The following PCDH9 variants were observed in gnomAD, a reference collection of about 807,000 sequenced individuals.
The protein encoded by PCDH9 is protocadherin 9.
In PCDH9, 24 loss-of-function variants were observed where a neutral mutation model predicts 70.6. The ratio of observed to expected loss-of-function variants is 0.34; its 90% CI spans 0.25 to 0.48. PCDH9 has a LOEUF of 0.48. Ranked by LOEUF, PCDH9 falls within the 20% of genes least tolerant of loss-of-function variation. The pLI, the probability that PCDH9 is intolerant of heterozygous loss-of-function variation, is 0.99. For synonymous variants in PCDH9, 562 were observed against 558.5 expected (o/e 1.01, Z -0.09); for missense variants, 1,281 against 1,503.6 (o/e 0.85, Z 2.45).
At chr13:66,622,766 G>A (rs987571701) in intron 4 of PCDH9, among the ~76,000 whole-genome samples, 7 of 152,162 alleles carry the variant, frequency 4.6e-5, no homozygotes, top group African/African-American at 1.7e-4. Flanking sequence ...AAAGCAGGCT[G>A]CCCGGGCAGG....
chr13:66,892,255 C>T (rs1248737117), intron 3 of PCDH9, among the ~76,000 whole-genome samples: 2 of 147,974 alleles, frequency 1.4e-5, no homozygotes, highest in African/African-American at 2.5e-5. Context: ...TATATATATA[C>T]ACACACACGT....
chr13:66,770,018 C>T (rs7337592), intron 3 of PCDH9, among the ~76,000 whole-genome samples: 44,273 of 151,810 alleles, frequency 0.29, 6,720 homozygotes, highest in East Asian at 0.44. Flanking sequence ...TAAAAACAAA[C>T]CTCTATTGAG....
intron 2 of PCDH9, among the ~76,000 whole-genome samples, chr13:66,930,868 T>C (rs2082796131): frequency 1.3e-5 from 2 of 152,150 alleles, no homozygotes; most frequent in African/African-American, 4.8e-5. Flanking sequence ...ATTTCCTTTT[T>C]ATGACAATGA....
intron 2 of PCDH9, among the ~76,000 whole-genome samples, chr13:67,167,091 A>T (rs1246198276): frequency 6.6e-6 from 1 of 152,208 alleles, no homozygotes; most frequent in East Asian, 1.9e-4. Context: ...CACTGGTTCA[A>T]CTTAAGTATA....
At chr13:67,082,512 T>A (rs1162418891) in intron 2 of PCDH9, among the ~76,000 whole-genome samples, 1 of 152,214 alleles carries the variant, frequency 6.6e-6, no homozygotes, top group East Asian at 1.9e-4. Context: ...TGCTTCCATG[T>A]CCTGTCTATT....
intron 4 of PCDH9, among the ~76,000 whole-genome samples, chr13:66,306,942 C>T (rs921086218): frequency 1.3e-5 from 2 of 152,012 alleles, no homozygotes; most frequent in African/African-American, 4.8e-5. Context: ...TTGCTTAAAC[C>T]AATCCACGCT....
intron 4 of PCDH9, among the ~76,000 whole-genome samples, chr13:66,395,021 A>G (rs746257818): frequency 6.6e-6 from 1 of 152,226 alleles, no homozygotes; most frequent in East Asian, 1.9e-4. Context: ...ATGTCCTCAC[A>G]AAACAATACT....
chr13:67,042,828 T>G (rs1209788791), intron 2 of PCDH9, among the ~76,000 whole-genome samples: 1 of 152,098 alleles, frequency 6.6e-6, no homozygotes, highest in Non-Finnish European at 1.5e-5. Context: ...AAACATGGAA[T>G]GACACTATGA....
intron 2 of PCDH9, among the ~76,000 whole-genome samples, chr13:66,975,686 G>T (rs2083605743): frequency 6.6e-6 from 1 of 151,956 alleles, no homozygotes; most frequent in African/African-American, 2.4e-5. Context: ...CTCTCATTCA[G>T]CAAACCTTTA....
At chr13:66,305,284 G>A (rs1350847078) in intron 4 of PCDH9, among the ~76,000 whole-genome samples, 1 of 151,810 alleles carries the variant, frequency 6.6e-6, no homozygotes, top group Non-Finnish European at 1.5e-5. Context: ...CAAAGACATA[G>A]ATAGATAAAA....
At chr13:66,971,910 A>G (rs892021248) in intron 2 of PCDH9, among the ~76,000 whole-genome samples, 9 of 152,002 alleles carry the variant, frequency 5.9e-5, no homozygotes, top group African/African-American at 1.7e-4. Flanking sequence ...CTATTGTTAA[A>G]GGTGTACCAT....
chr13:66,869,307 A>T (rs144935129), intron 3 of PCDH9, among the ~76,000 whole-genome samples: 2 of 152,112 alleles, frequency 1.3e-5, no homozygotes, highest in African/African-American at 4.8e-5. Flanking sequence ...CATCATCATC[A>T]TTGTCAAAAC....
intron 4 of PCDH9, among the ~76,000 whole-genome samples, chr13:66,387,493 C>T (rs868116326): frequency 6.7e-6 from 1 of 149,484 alleles, no homozygotes. Context: ...TGGTGCCATT[C>T]TCATCACATT....
intron 2 of PCDH9, among the ~76,000 whole-genome samples, chr13:67,167,321 TA>T (rs1457530212): frequency 6.6e-6 from 1 of 152,138 alleles, no homozygotes; most frequent in Non-Finnish European, 1.5e-5. Context: ...TCCCCTAATT[TA>T]AAATGAGGAG....
At chr13:66,407,069 G>C (rs1238951923) in intron 4 of PCDH9, among the ~76,000 whole-genome samples, 3 of 152,122 alleles carry the variant, frequency 2.0e-5, no homozygotes, top group Non-Finnish European at 4.4e-5. Flanking sequence ...CTCACTTATA[G>C]TCTAAAAGAC....
chr13:66,738,083 C>A (rs930109787), intron 3 of PCDH9, among the ~76,000 whole-genome samples: 7 of 152,224 alleles, frequency 4.6e-5, no homozygotes, highest in Non-Finnish European at 1.0e-4. Context: ...CCTCTGCAGA[C>A]TTAAATGTCC....
chr13:66,622,588 T>C (rs1566462142), intron 4 of PCDH9, among the ~76,000 whole-genome samples: 1 of 152,038 alleles, frequency 6.6e-6, no homozygotes, highest in African/African-American at 2.4e-5. Context: ...TGGTGGGGAC[T>C]TGGAGAACCT....
Position 66,391,883 on chromosome 13 carries a change from CATAT to C in PCDH9, c.3341-86859_3341-86856del, listed in dbSNP as rs140840857. Among the ~76,000 whole-genome samples the C allele has an allele frequency of 2.4e-3, 345 of 143,264 alleles. 1 individual carries two copies. The highest frequency in any genetic ancestry group is 3.7e-3 in the Non-Finnish European group (247 of 65,944). The allele number at this position is 143,264 out of a possible 152,430, so 94.0% of individuals were successfully genotyped here. Reference sequence around the variant, plus strand: ...TCTCTCTCTCTCTTTGCCATATATGCATATATATATATATATATATATGTTTGTG... The same window carrying C: ...TCTCTCTCTCTCTTTGCCATATATGCATATATATATATATATATGTTTGTG... On this transcript the variant is annotated intron_variant, in intron 4 of 4. Transcript: ENST00000377865.
chr13:66,959,750 CAA>C (rs5804305), intron 2 of PCDH9, among the ~76,000 whole-genome samples: 108 of 129,218 alleles, frequency 8.4e-4, no homozygotes, highest in East Asian at 2.0e-3. Flanking sequence ...GACCCCGTCT[CAA>C]AAAAAAAAAA....
Sources: allele counts gnomAD v4.1 joint callset (sites outside exome capture counted in the v4.1 genomes callset), GRCh38; gene constraint gnomAD v4.1.1; transcripts MANE v1.5; gene names NCBI Gene and HGNC (gene_info 2026-07-23, HGNC 2026-07-21).